Variants in DIAPH3 observed in about 807,000 individuals in gnomAD.
DIAPH3 encodes the protein protein diaphanous homolog 3.
Under a neutral mutation model 144.3 loss-of-function variants are expected in DIAPH3, and 117 were observed. The observed-to-expected ratio is 0.81, with a 90% CI of 0.70 to 0.95. The LOEUF (loss-of-function observed/expected upper bound fraction) is 0.95. Among genes scored for constraint, DIAPH3 ranks in the 40% least tolerant of loss-of-function variants. The probability of loss-of-function intolerance (pLI) is 0.00; values close to 1 mark genes in which losing one functional copy is unlikely to be tolerated. For synonymous variants in DIAPH3, 519 were observed against 488.9 expected, an observed-to-expected ratio of 1.06 and a Z score of -0.81; for missense variants, 1,421 against 1,412.7, an observed-to-expected ratio of 1.01 and a Z score of -0.09.
intron 17 of DIAPH3, among the ~76,000 whole-genome samples, chr13:59,943,000 T>C (rs1053239570): frequency 1.3e-5 from 2 of 152,176 alleles, no homozygotes; most frequent in African/African-American, 4.8e-5. Context: ...TACTAAAATA[T>C]TCTTGCATAT....
At chr13:60,083,913 AT>A (rs2057653556) in intron 4 of DIAPH3, among the ~76,000 whole-genome samples, 1 of 17,530 alleles carries the variant, frequency 5.7e-5, no homozygotes, top group East Asian at 5.3e-4. Context: ...GGACAGATGG[AT>A]GGATGGATGG....
chr13:60,073,661 T>C (rs1452903934), intron 4 of DIAPH3, among the ~76,000 whole-genome samples: 1 of 152,200 alleles, frequency 6.6e-6, no homozygotes, highest in African/African-American at 2.4e-5. Context: ...AACACATAGG[T>C]AAATGCTTAA....
chr13:59,863,329 A>G (rs1192444139), intron 21 of DIAPH3, among the ~76,000 whole-genome samples: 4 of 152,152 alleles, frequency 2.6e-5, no homozygotes, highest in Non-Finnish European at 1.5e-5. Flanking sequence ...TTACAGCTGG[A>G]AATTCAAGGC....
chr13:59,983,768 C>A lies in DIAPH3; in HGVS notation c.1480+1G>T, dbSNP rs2051187365. On this transcript the variant is annotated splice_donor_variant, in intron 13 of 27. Coordinates refer to ENST00000400324, the MANE Select transcript of DIAPH3 (RefSeq NM_001042517.2). LOFTEE classifies it high-confidence loss of function. ...TTTCTATTTAAATAATAAATACTCA[C>A]CTACAAACTGGGTTAAATCTAAATC... is the stretch of plus-strand genomic sequence containing the variant. 2 of 1,558,986 alleles carry A rather than the reference C, an allele frequency of 1.3e-6. No individual in the cohort carries two copies. Among genetic ancestry groups the A allele is most frequent in the Non-Finnish European group, 8.8e-7 (1 of 1,131,798 alleles).
chr13:59,699,499 T>A (rs887046501), intron 27 of DIAPH3, among the ~76,000 whole-genome samples: 18 of 152,188 alleles, frequency 1.2e-4, no homozygotes, highest in Non-Finnish European at 2.5e-4. Context: ...TCTCATCCAA[T>A]CTGACTTACT....
chr13:60,116,735 T>C (rs1286302971), intron 2 of DIAPH3, among the ~76,000 whole-genome samples: 1 of 152,076 alleles, frequency 6.6e-6, no homozygotes, highest in Non-Finnish European at 1.5e-5. Context: ...CTTCACAAGC[T>C]AATTTGTAAA....
In DIAPH3 at chr13:59,870,897, C is replaced by T. The variant is rs141232118; in HGVS notation, c.2607+8332G>A. Among the ~76,000 whole-genome samples the T allele has an allele frequency of 4.9e-4, 75 of 151,798 alleles. No homozygotes were observed. The East Asian group carries it at 0.012, about 24-fold the overall frequency. On this transcript the variant is annotated intron_variant, in intron 21 of 27. Transcript: ENST00000400324. ...GTTGGTCAAGCTGGTCTTGAACTCC[C>T]GACCTCAGGTGATCTGCCCGCCTCA...
At chr13:59,904,207 G>A (rs139728853) in intron 20 of DIAPH3, among the ~76,000 whole-genome samples, 15 of 152,272 alleles carry the variant, frequency 9.9e-5, no homozygotes, top group African/African-American at 3.4e-4. Context: ...AAGTAAGATA[G>A]GAGGTAGAAG....
At chr13:60,049,601 C>A (rs2056241209) in intron 4 of DIAPH3, among the ~76,000 whole-genome samples, 1 of 152,290 alleles carries the variant, frequency 6.6e-6, no homozygotes, top group South Asian at 2.1e-4. Context: ...GCAATGGGTC[C>A]CTTCCCCCAG....
At chr13:59,827,369 G>A (rs956826296) in intron 24 of DIAPH3, among the ~76,000 whole-genome samples, 10 of 152,014 alleles carry the variant, frequency 6.6e-5, no homozygotes, top group African/African-American at 1.2e-4. Flanking sequence ...AAAACTGGGC[G>A]AAGGATAAAA....
At chr13:60,016,356 A>G (rs2053647288) in intron 5 of DIAPH3, among the ~76,000 whole-genome samples, 1 of 152,230 alleles carries the variant, frequency 6.6e-6, no homozygotes, top group Admixed American at 6.5e-5. Flanking sequence ...CCGCTTGCAC[A>G]GGCTTGTAAG....
chr13:60,038,758 T>C (rs375649726), intron 5 of DIAPH3, among the ~76,000 whole-genome samples: 4 of 152,252 alleles, frequency 2.6e-5, no homozygotes, highest in African/African-American at 9.6e-5. Context: ...AAAAACCTGA[T>C]AAGCCTAGAT....
chr13:59,782,713 C>G (rs1282381951), intron 25 of DIAPH3, among the ~76,000 whole-genome samples: 1 of 152,018 alleles, frequency 6.6e-6, no homozygotes, highest in Non-Finnish European at 1.5e-5. Context: ...CAGAGATATT[C>G]AGAATGTGGT....
chr13:60,001,295 T>TCAA (rs1360429978), intron 9 of DIAPH3, among the ~76,000 whole-genome samples: 1 of 151,944 alleles, frequency 6.6e-6, no homozygotes, highest in African/African-American at 2.4e-5. Context: ...TACTAAGAGG[T>TCAA]CAATCAGAAT....
intron 4 of DIAPH3, among the ~76,000 whole-genome samples, chr13:60,046,944 G>A (rs1042656872): frequency 1.3e-5 from 2 of 151,970 alleles, no homozygotes; most frequent in African/African-American, 2.4e-5. Context: ...TGGACATAGG[G>A]AGGGGAACTT....
intron 1 of DIAPH3, among the ~76,000 whole-genome samples, chr13:60,134,306 C>A (rs2059214774): frequency 6.6e-6 from 1 of 152,226 alleles, no homozygotes. Flanking sequence ...GGGTTAGTAT[C>A]TAATACCAGG....
intron 4 of DIAPH3, among the ~76,000 whole-genome samples, chr13:60,091,116 T>C (rs1251609613): frequency 6.6e-6 from 1 of 152,242 alleles, no homozygotes; most frequent in East Asian, 1.9e-4. Context: ...TTATAATAAA[T>C]GAATTCCTAC....
intron 3 of DIAPH3, among the ~76,000 whole-genome samples, chr13:60,096,981 C>A (rs1399440444): frequency 6.6e-6 from 1 of 152,062 alleles, no homozygotes; most frequent in African/African-American, 2.4e-5. Flanking sequence ...CTAATAAATC[C>A]CCTCTCATAT....
chr13:60,007,343 G>A (rs935857712), intron 9 of DIAPH3, among the ~76,000 whole-genome samples: 1 of 151,990 alleles, frequency 6.6e-6, no homozygotes, highest in African/African-American at 2.4e-5. Flanking sequence ...GAGCCACCGC[G>A]CCCAGCCTAT....
Sources: allele counts gnomAD v4.1 joint callset (sites outside exome capture counted in the v4.1 genomes callset), GRCh38; gene constraint gnomAD v4.1.1; transcripts MANE v1.5; gene names NCBI Gene and HGNC (gene_info 2026-07-23, HGNC 2026-07-21).